Variants in DOCK1 observed in about 807,000 individuals in gnomAD.
DOCK1 encodes dedicator of cytokinesis protein 1.
DOCK1 carries 138 observed loss-of-function variants against 262.7 expected under a neutral mutation model. The ratio of observed to expected loss-of-function variants is 0.53; its 90% CI spans 0.46 to 0.61. The LOEUF is 0.61. DOCK1 is among the 20% of genes least tolerant of loss of function. The pLI, the probability that DOCK1 is intolerant of heterozygous loss-of-function variation, is 0.00. For missense variants in DOCK1, 1,908 were observed against 2,370.7 expected, an observed-to-expected ratio of 0.80 and a Z score of 4.05; for synonymous variants, 866 against 867.4, an observed-to-expected ratio of 1.00 and a Z score of 0.03.
intron 29 of DOCK1, among the ~76,000 whole-genome samples, chr10:127,279,945 G>C (rs2060882544): frequency 6.7e-6 from 1 of 150,210 alleles, no homozygotes; most frequent in African/African-American, 2.5e-5. Context: ...ATTGAGGCAA[G>C]TGTCACACTT....
chr10:127,264,448 G>A (rs1195337790), intron 29 of DOCK1, among the ~76,000 whole-genome samples: 1 of 152,130 alleles, frequency 6.6e-6, no homozygotes, highest in African/African-American at 2.4e-5. Context: ...CTTTCATAGA[G>A]GACTTGGTAT....
At chr10:127,147,784 G>A (rs979828755) in intron 27 of DOCK1, among the ~76,000 whole-genome samples, 1 of 151,568 alleles carries the variant, frequency 6.6e-6, no homozygotes, top group African/African-American at 2.4e-5. Context: ...TGTAATCCTA[G>A]CACTTTGGGA....
intron 29 of DOCK1, among the ~76,000 whole-genome samples, chr10:127,260,783 G>A (rs1365118311): frequency 1.0e-4 from 14 of 135,464 alleles, no homozygotes; most frequent in Admixed American, 3.7e-4. Flanking sequence ...GCATGTGGGT[G>A]TGTGTGTGTA....
At chr10:126,981,842 T>C (rs569586824) in intron 3 of DOCK1, 76 bp from the exon 4 acceptor site, 2 of 1,481,580 alleles carry the variant, frequency 1.3e-6, no homozygotes, top group South Asian at 2.5e-5. Context: ...CCCCACCTTT[T>C]TGGGAACTAT....
chr10:127,112,719 A>G (rs980632629), intron 25 of DOCK1, among the ~76,000 whole-genome samples: 3 of 152,200 alleles, frequency 2.0e-5, no homozygotes, highest in African/African-American at 7.2e-5. Flanking sequence ...ATGAACCAAA[A>G]TTAGCCCGAA....
intron 27 of DOCK1, among the ~76,000 whole-genome samples, chr10:127,222,190 C>G (rs1590004865): frequency 6.6e-6 from 1 of 152,312 alleles, no homozygotes; most frequent in Middle Eastern, 3.4e-3. Context: ...AGCAGCAGTG[C>G]AGGAGTTCAG....
At chr10:127,167,872 G>A (rs531211409) in intron 27 of DOCK1, among the ~76,000 whole-genome samples, 15 of 152,134 alleles carry the variant, frequency 9.9e-5, no homozygotes, top group South Asian at 6.2e-4. Flanking sequence ...TCTCTTCCCT[G>A]TGTTCAAGCT....
intron 10 of DOCK1, 26 bp downstream of exon 10, chr10:127,000,333 G>T (rs767758916): frequency 6.2e-7 from 1 of 1,609,008 alleles, no homozygotes; most frequent in East Asian, 2.2e-5. Flanking sequence ...GTGTTTCCTT[G>T]AGAGTTTCAG....
At chr10:126,976,384 A>G (rs546658755) in intron 2 of DOCK1, among the ~76,000 whole-genome samples, 90 of 152,326 alleles carry the variant, frequency 5.9e-4, no homozygotes, top group African/African-American at 2.0e-3. Context: ...CCTTTGCCAG[A>G]GTCCTGGCAG....
At chr10:127,364,930 T>C (rs2064818383) in intron 33 of DOCK1, among the ~76,000 whole-genome samples, 1 of 152,162 alleles carries the variant, frequency 6.6e-6, no homozygotes, top group Non-Finnish European at 1.5e-5. Flanking sequence ...TTAAAGATAA[T>C]TCATTTTTGA....
chr10:127,262,077 GGTGT>G (rs1554934602), intron 29 of DOCK1, among the ~76,000 whole-genome samples: 1 of 83,918 alleles, frequency 1.2e-5, no homozygotes, highest in Non-Finnish European at 2.3e-5. Flanking sequence ...TGTGCATGTG[GGTGT>G]GTGTGTGTAC....
intron 30 of DOCK1, among the ~76,000 whole-genome samples, chr10:127,340,111 G>A (rs964266049): frequency 3.3e-5 from 5 of 151,892 alleles, no homozygotes; most frequent in Non-Finnish European, 7.4e-5. Flanking sequence ...TGGCATTACA[G>A]GATATAATTA....
chr10:127,320,048 A>G (rs2062450564), intron 29 of DOCK1, among the ~76,000 whole-genome samples: 1 of 152,166 alleles, frequency 6.6e-6, no homozygotes, highest in South Asian at 2.1e-4. Flanking sequence ...AGAGCAGTCA[A>G]CAAGTTAGAA....
intron 1 of DOCK1, among the ~76,000 whole-genome samples, chr10:126,958,549 C>T (rs1007067947): frequency 7.2e-5 from 11 of 152,070 alleles, no homozygotes; most frequent in Middle Eastern, 3.2e-3. Flanking sequence ...TTTACAGGAC[C>T]GGAGGCTGGG....
At chr10:127,328,119 CAAAAAA>C (rs11301683) in intron 29 of DOCK1, among the ~76,000 whole-genome samples, 5 of 72,534 alleles carry the variant, frequency 6.9e-5, no homozygotes, top group Middle Eastern at 0.01. Flanking sequence ...TACAAATGGG[CAAAAAA>C]AAAAAAAAAA....
chr10:127,130,013 G>A (rs1406523486), intron 27 of DOCK1, among the ~76,000 whole-genome samples: 1 of 151,094 alleles, frequency 6.6e-6, no homozygotes, highest in Non-Finnish European at 1.5e-5. Context: ...CTGGTTAGGG[G>A]GTGTGGTCCT....
At chr10:127,357,401 C>T (rs568017789) in intron 32 of DOCK1, among the ~76,000 whole-genome samples, 11 of 152,314 alleles carry the variant, frequency 7.2e-5, no homozygotes, top group African/African-American at 2.6e-4. Flanking sequence ...AGTTTCTCCG[C>T]GTGCCCTCTC....
At chr10:127,224,969 G>T (rs1393186198) in intron 27 of DOCK1, among the ~76,000 whole-genome samples, 1 of 152,022 alleles carries the variant, frequency 6.6e-6, no homozygotes, top group Admixed American at 6.6e-5. Flanking sequence ...ATACTTAATT[G>T]TTTAAGGAAA....
At chr10:127,083,619 T>G (rs997247291) in intron 23 of DOCK1, among the ~76,000 whole-genome samples, 4 of 152,242 alleles carry the variant, frequency 2.6e-5, no homozygotes, top group Admixed American at 2.6e-4. Flanking sequence ...GATTTCCCCA[T>G]TTACTCATAT....
Sources: allele counts gnomAD v4.1 joint callset (sites outside exome capture counted in the v4.1 genomes callset), GRCh38; gene constraint gnomAD v4.1.1; transcripts MANE v1.5; gene names NCBI Gene and HGNC (gene_info 2026-07-23, HGNC 2026-07-21).